Variants in WDR4 observed in about 807,000 individuals in gnomAD.
WDR4 encodes WDR4 tRNA N7-guanosine methyltransferase non-catalytic subunit.
A neutral mutation model predicts 48.6 loss-of-function variants in WDR4; 47 were observed. The ratio of observed to expected loss-of-function variants is 0.97; its 90% CI spans 0.77 to 1.23. The LOEUF (loss-of-function observed/expected upper bound fraction) is 1.23. Ranked by LOEUF, WDR4 falls within the 50% of genes most tolerant of loss-of-function variation. WDR4 has a pLI of 0.00. For synonymous variants in WDR4, 268 were observed against 230.0 expected (o/e 1.17, Z -1.49); for missense variants, 606 against 551.6 (o/e 1.10, Z -0.99).
the WDR4 span, among the ~76,000 whole-genome samples, chr21:42,889,047 G>A: frequency 2.8e-5 from 4 of 141,428 alleles, no homozygotes; most frequent in Non-Finnish European, 6.1e-5. Context: ...TTTAATCTAG[G>A]GTTCAATCTA....
chr21:42,844,242 A>AT (rs1397016817), downstream of WDR4, among the ~76,000 whole-genome samples: 3 of 152,200 alleles, frequency 2.0e-5, no homozygotes, highest in Non-Finnish European at 4.4e-5. Flanking sequence ...AATAGCTAGA[A>AT]TATTTCCAAA....
Position 42,850,193 on chromosome 21 carries a change from G to C in WDR4, c.1095C>G (p.Phe365Leu), listed in dbSNP as rs530476358. 6.2e-7 allele frequency: 1 copy of C among 1,613,776 alleles called. No homozygotes were observed. Among genetic ancestry groups the C allele is most frequent in the Non-Finnish European group, 8.5e-7 (1 of 1,179,886 alleles). The change falls in exon 11 of 11, where the codon TTC (phenylalanine) becomes TTG (leucine). Residue 365 changes from phenylalanine to leucine, a missense_variant. By Grantham distance (22) the Phe-to-Leu change is conservative. Transcript: ENST00000398208. Reference sequence around the variant, plus strand: ...TCTTCAGGTAGGAGGTCACGTTGTCGAACGTGGCCTTGTAGAGACTGCTGA... The same window carrying C: ...TCTTCAGGTAGGAGGTCACGTTGTCCAACGTGGCCTTGTAGAGACTGCTGA... ...ASFSSLYKAT[F>L]DNVTSYLKKK... is the part of the protein sequence containing the mutation.
the WDR4 span, among the ~76,000 whole-genome samples, chr21:42,892,468 C>T: frequency 2.9e-3 from 408 of 140,770 alleles, 1 homozygote; most frequent in African/African-American, 0.011. Context: ...GCCAGTTTAT[C>T]TTGCCACCTC....
the WDR4 span, among the ~76,000 whole-genome samples, chr21:42,888,336 A>G: frequency 6.6e-6 from 1 of 152,118 alleles, no homozygotes; most frequent in Non-Finnish European, 1.5e-5. Flanking sequence ...AGGCCGGTGT[A>G]CTACTTGAGC....
chr21:42,846,466 TCACA>T (rs1180440389), downstream of WDR4, among the ~76,000 whole-genome samples: 2 of 152,120 alleles, frequency 1.3e-5, no homozygotes, highest in East Asian at 3.9e-4. Context: ...TCGTGGGTAG[TCACA>T]CACGTGCATT....
At chr21:42,856,633 T>C (rs950447884) in intron 6 of WDR4, among the ~76,000 whole-genome samples, 1 of 152,196 alleles carries the variant, frequency 6.6e-6, no homozygotes, top group African/African-American at 2.4e-5. Flanking sequence ...TTAAATCTAA[T>C]GAGAGAGTGT....
rs1406588565 is a variant in WDR4 at position 42,855,732 on chromosome 21, A to AG, written c.675dup (p.Cys226LeufsTer104). ...TCCTGCAGACTGGCCAGGTGACAGC[A>AG]GTGCAGCTGGCGGCCGCTCCTGTAC... On this transcript the variant is annotated frameshift_variant, in exon 7 of 11. Coordinates refer to ENST00000398208, the MANE Select transcript of WDR4 (RefSeq NM_018669.6). LOFTEE classifies it high-confidence loss of function. The AG allele has an allele frequency of 1.3e-6, 2 of 1,554,950 alleles. No homozygotes were observed. The highest frequency in any genetic ancestry group is 1.7e-6 in the Non-Finnish European group (2 of 1,149,030).
At chr21:42,844,625 T>C (rs2057695551), downstream of WDR4, among the ~76,000 whole-genome samples, 1 of 152,152 alleles carries the variant, frequency 6.6e-6, no homozygotes, top group Non-Finnish European at 1.5e-5. Flanking sequence ...GGGGCTATGA[T>C]GTGCCGGGTG....
chr21:42,871,707 A>G (rs370106423), intron 3 of WDR4, among the ~76,000 whole-genome samples: 15 of 152,260 alleles, frequency 9.9e-5, no homozygotes, highest in African/African-American at 3.4e-4. Flanking sequence ...CCTATGGGAA[A>G]GGAGCCAGAA....
rs1483679374 is a variant in WDR4, at chr21:42,849,362, A to T, written c.*687T>A. ...TGTGCCAAGGTCAAATCAAATCATA[A>T]CGACGTCCTCAATCACCTCCCTGTA... On this transcript the variant is annotated 3_prime_UTR_variant, in exon 11 of 11. Transcript: ENST00000398208. 6.6e-6 allele frequency: 1 copy of T among 152,222 alleles called. No individual in the cohort carries two copies. The highest frequency in any genetic ancestry group is 1.5e-5 in the Non-Finnish European group (1 of 68,068). The allele number at this position is 152,222 out of a possible 1,614,324, so 9.4% of individuals were successfully genotyped here. A position where few individuals can be genotyped will look rare whatever the true frequency, so the allele number is the denominator to read the frequency against.
At chr21:42,875,571 G>A (rs1303022141) in intron 2 of WDR4, among the ~76,000 whole-genome samples, 2 of 152,100 alleles carry the variant, frequency 1.3e-5, no homozygotes, top group Admixed American at 6.6e-5. Context: ...AATTAGGTAT[G>A]TTGGCATGTG....
At chr21:42,865,200 G>A (rs572901247) in intron 3 of WDR4, among the ~76,000 whole-genome samples, 5 of 152,344 alleles carry the variant, frequency 3.3e-5, no homozygotes, top group Middle Eastern at 6.8e-3. Flanking sequence ...GAAGTATAAC[G>A]GGGTAAACAC....
At chr21:42,859,135 C>T (rs1420669342) in intron 6 of WDR4, among the ~76,000 whole-genome samples, 3 of 152,002 alleles carry the variant, frequency 2.0e-5, no homozygotes, top group South Asian at 4.2e-4. Flanking sequence ...TGTGGTAACC[C>T]GGGTGCGGGC....
intron 3 of WDR4, among the ~76,000 whole-genome samples, chr21:42,864,051 G>T (rs1206267425): frequency 1.2e-5 from 1 of 80,702 alleles, no homozygotes; most frequent in Non-Finnish European, 2.3e-5. Flanking sequence ...AGCTTGCAGT[G>T]AGCCGAGATC....
chr21:42,877,740 C>T (rs182956340), intron 1 of WDR4, among the ~76,000 whole-genome samples: 16 of 152,028 alleles, frequency 1.1e-4, no homozygotes, highest in African/African-American at 3.4e-4. Context: ...AAAATCTATG[C>T]GACATGGTTA....
upstream of WDR4, chr21:42,879,907 C>T (rs1263190523): frequency 7.5e-6 from 3 of 398,678 alleles, no homozygotes; most frequent in African/African-American, 4.2e-5. Context: ...GGGGCCGTGG[C>T]TCACATGAAG....
downstream of WDR4, among the ~76,000 whole-genome samples, chr21:42,844,548 G>A (rs924194928): frequency 7.9e-5 from 12 of 152,322 alleles, no homozygotes; most frequent in African/African-American, 1.9e-4. Context: ...ACCCACAAGC[G>A]TTGAGTCTGG....
At position 42,855,692 on chromosome 21, in the gene WDR4, TG is replaced by T; in HGVS notation, c.715del (p.Gln239ArgfsTer95). ...AACAGAAGCAGCTACCTGGGGGGCC[TG>T]GGGGTCCACCAGCTCCTGCAGACTG... is the stretch of plus-strand genomic sequence containing the variant. ...LASLQELVDP[Q>X]APQKFAASRI... On this transcript the variant is annotated frameshift_variant, in exon 7 of 11. Transcript: ENST00000398208. LOFTEE classifies it high-confidence loss of function. 2 of 1,552,500 alleles carry T rather than the reference TG, an allele frequency of 1.3e-6. No homozygotes were observed. The highest frequency in any genetic ancestry group is 1.7e-6 in the Non-Finnish European group (2 of 1,147,214).
At chr21:42,874,791 T>C (rs2058452825) in intron 2 of WDR4, among the ~76,000 whole-genome samples, 1 of 152,140 alleles carries the variant, frequency 6.6e-6, no homozygotes. Flanking sequence ...TCAATGACAG[T>C]GGTGCCCGAA....
Sources: allele counts gnomAD v4.1 joint callset (sites outside exome capture counted in the v4.1 genomes callset), GRCh38; gene constraint gnomAD v4.1.1; transcripts MANE v1.5; gene names NCBI Gene and HGNC (gene_info 2026-07-23, HGNC 2026-07-21).